Variants in BUD13 observed in about 807,000 individuals in gnomAD.
The protein encoded by BUD13 is BUD13 spliceosome associated protein.
In BUD13, 47 loss-of-function variants were observed where a neutral mutation model predicts 62.5. That is an observed-to-expected ratio of 0.75 (90% CI 0.60 to 0.96). The LOEUF (loss-of-function observed/expected upper bound fraction) is 0.96. Among genes scored for constraint, BUD13 ranks in the 40% least tolerant of loss-of-function variants. The pLI, the probability that BUD13 is intolerant of heterozygous loss-of-function variation, is 0.00. For synonymous variants in BUD13, 293 were observed against 280.1 expected (o/e 1.05, Z -0.46); for missense variants, 821 against 790.9 (o/e 1.04, Z -0.46).
chr11:116,771,680 C>A (rs1011603450), intron 1 of BUD13, among the ~76,000 whole-genome samples: 1 of 152,116 alleles, frequency 6.6e-6, no homozygotes, highest in Non-Finnish European at 1.5e-5. Context: ...TCACATGGCA[C>A]TGCCTCCAAA....
intron 2 of BUD13, among the ~76,000 whole-genome samples, chr11:116,766,184 C>T (rs1940527355): frequency 6.6e-6 from 1 of 152,224 alleles, no homozygotes; most frequent in South Asian, 2.1e-4. Context: ...TGTAAGTCCA[C>T]ATGACAAACT....
Position 116,762,951 on chromosome 11 carries a change from G to A in BUD13, c.638C>T (p.Ala213Val), listed in dbSNP as rs766417666. Residue 213 changes from alanine to valine, a missense_variant, in exon 4 of 10, where the codon GCA becomes GTA. Physicochemically the swap from Ala to Val is moderately conservative, Grantham distance 64. Around this residue, in one of 2 missense-constraint regions of BUD13, gnomAD observed 800 missense variants for 739.2 expected, o/e 1.08. Coordinates refer to ENST00000260210, the MANE Select transcript of BUD13 (RefSeq NM_032725.4). ...ATCATGACGGACTCTCCTAGGAGAT[G>A]CACCTGAAGAATTATGCTGAGGCCT... ...PRRPQHNSSG[A>V]SPRRVRHDSP... The A allele has an allele frequency of 3.1e-6, 5 of 1,614,092 alleles. No individual in the cohort carries two copies. The highest frequency in any genetic ancestry group is 3.4e-6 in the Non-Finnish European group (4 of 1,179,986).
intron 9 of BUD13, among the ~76,000 whole-genome samples, chr11:116,750,095 T>G (rs1263870318): frequency 3.3e-5 from 5 of 152,172 alleles, no homozygotes; most frequent in African/African-American, 1.2e-4. Flanking sequence ...TTGGAAATCA[T>G]GTACATATAG....
At chr11:116,770,350 G>T in intron 1 of BUD13, 128 bp from the exon 2 acceptor site, 1 of 699,454 alleles carries the variant, frequency 1.4e-6, no homozygotes, top group Non-Finnish European at 2.2e-6. Context: ...TGTCTACAAG[G>T]TCAACTTCAT....
chr11:116,765,783 A>C (rs1257321095), intron 2 of BUD13, among the ~76,000 whole-genome samples: 6 of 152,224 alleles, frequency 3.9e-5, no homozygotes, highest in African/African-American at 1.4e-4. Context: ...TTACTTCTAC[A>C]TTAACAGTGG....
chr11:116,772,779 T>G, intron 1 of BUD13, 43 bp downstream of exon 1: 1 of 1,472,264 alleles, frequency 6.8e-7, no homozygotes, highest in African/African-American at 1.5e-5. Context: ...TGGGAAGGGG[T>G]GGCTAGACGT....
chr11:116,759,125 G>C lies in BUD13; in HGVS notation c.1309C>G (p.Arg437Gly), dbSNP rs369731762. Residue 437 changes from arginine to glycine, a missense_variant, in exon 6 of 10, where the codon CGA (arginine) becomes GGA (glycine). Arg to Gly is a moderately radical substitution (Grantham distance 125, BLOSUM62 -2). Coordinates refer to ENST00000260210, the MANE Select transcript of BUD13 (RefSeq NM_032725.4). ...TGTTCCTTGAGCTCCTGCTGTTCTCGCTGTATGTCAGTTAACACCAACCCA... is the reference window on the plus strand; with the variant it reads ...TGTTCCTTGAGCTCCTGCTGTTCTCCCTGTATGTCAGTTAACACCAACCCA... ...KTGLVLTDIQREQQELKEQDQ... is the reference protein window; with the variant it reads ...KTGLVLTDIQGEQQELKEQDQ... The C allele has an allele frequency of 6.2e-7, 1 of 1,613,618 alleles. No individual in the cohort carries two copies.
intron 8 of BUD13, 87 bp from the exon 9 acceptor site, chr11:116,757,314 T>C (rs978912031): frequency 3.0e-5 from 37 of 1,218,520 alleles, no homozygotes; most frequent in Non-Finnish European, 3.2e-5. Flanking sequence ...TCCTTTTTTT[T>C]TAGTAGAGTC....
At chr11:116,760,678 A>T (rs1940412603) in intron 5 of BUD13, 57 bp downstream of exon 5, 33 of 1,543,590 alleles carry the variant, frequency 2.1e-5, no homozygotes, top group Non-Finnish European at 2.9e-5. Flanking sequence ...GGACATATAT[A>T]AAGCTGAGAG....
At chr11:116,766,981 A>G (rs1940541362) in intron 2 of BUD13, among the ~76,000 whole-genome samples, 1 of 151,764 alleles carries the variant, frequency 6.6e-6, no homozygotes, top group African/African-American at 2.4e-5. Context: ...TGAGCCCAGG[A>G]GTTCATGACC....
rs1170425415 is a variant in BUD13, at chr11:116,767,844, G to A, written c.237+2285C>T. ...CAAAATTAGCCAGGCATGGAGGTGC[G>A]CACCTGTGGTACCAGCTACGTGCAG... On this transcript the variant is annotated intron_variant, in intron 2 of 9. Coordinates refer to ENST00000260210, the MANE Select transcript of BUD13 (RefSeq NM_032725.4). 4.6e-5 allele frequency among the ~76,000 whole-genome samples: 7 copies of A among 151,668 alleles called. No individual in the cohort carries two copies. In the South Asian group the frequency reaches 1.0e-3, roughly 23 times the overall value.
chr11:116,762,476 CTAA>C, intron 4 of BUD13, 74 bp downstream of exon 4: 1 of 1,239,824 alleles, frequency 8.1e-7, no homozygotes, highest in Non-Finnish European at 1.1e-6. Flanking sequence ...ATTCTTATAC[CTAA>C]TAAATCAACT....
At chr11:116,770,265 C>T (rs748546924) in intron 1 of BUD13, 43 bp from the exon 2 acceptor site, 1 of 1,522,650 alleles carries the variant, frequency 6.6e-7, no homozygotes, top group African/African-American at 1.4e-5. Context: ...TTCTAGGATA[C>T]CAGCATAAAA....
intron 8 of BUD13, 65 bp from the exon 9 acceptor site, chr11:116,757,292 A>G (rs776255153): frequency 1.3e-4 from 192 of 1,462,548 alleles, no homozygotes; most frequent in Non-Finnish European, 1.8e-4. Context: ...GCTGGATGGC[A>G]ATGTGGAATT....
chr11:116,765,160 T>C (rs1940509277), intron 3 of BUD13, among the ~76,000 whole-genome samples: 1 of 152,174 alleles, frequency 6.6e-6, no homozygotes, highest in African/African-American at 2.4e-5. Context: ...TGCCAAAATA[T>C]AAGAGAAAGA....
chr11:116,761,815 A>C (rs1940436447), intron 4 of BUD13, among the ~76,000 whole-genome samples: 1 of 152,246 alleles, frequency 6.6e-6, no homozygotes, highest in East Asian at 1.9e-4. Flanking sequence ...TCACCTCCCA[A>C]AGGGCATTCT....
intron 9 of BUD13, among the ~76,000 whole-genome samples, chr11:116,753,840 T>C (rs1235000178): frequency 1.3e-5 from 2 of 152,048 alleles, no homozygotes; most frequent in Non-Finnish European, 2.9e-5. Context: ...AAACAAAAAA[T>C]CCACAATTGA....
intron 2 of BUD13, among the ~76,000 whole-genome samples, chr11:116,766,877 A>G (rs1456348948): frequency 6.6e-6 from 1 of 152,232 alleles, no homozygotes; most frequent in Non-Finnish European, 1.5e-5. Context: ...GGGCCATCAT[A>G]AAAGCAAGAC....
chr11:116,761,295 G>C (rs995953101), intron 4 of BUD13, among the ~76,000 whole-genome samples: 1 of 152,056 alleles, frequency 6.6e-6, no homozygotes, highest in Non-Finnish European at 1.5e-5. Flanking sequence ...GAGGTGATCT[G>C]CCCACCTCGG....
Sources: allele counts gnomAD v4.1 joint callset (sites outside exome capture counted in the v4.1 genomes callset), GRCh38; gene constraint gnomAD v4.1.1; regional missense constraint gnomAD v4.1.1; transcripts MANE v1.5; gene names NCBI Gene and HGNC (gene_info 2026-07-23, HGNC 2026-07-21).